Variants in BTC observed in about 807,000 individuals in gnomAD.
The protein encoded by BTC is betacellulin.
In BTC, 13 loss-of-function variants were observed where a neutral mutation model predicts 18.1. That is an observed-to-expected ratio of 0.72 (90% CI 0.47 to 1.14). The LOEUF (loss-of-function observed/expected upper bound fraction) is 1.14, where lower values mean the gene tolerates loss of function less well. BTC is among the 50% of genes most tolerant of loss of function. The pLI is 0.00. For missense variants in BTC, 247 were observed against 224.2 expected, an observed-to-expected ratio of 1.10 and a Z score of -0.65; for synonymous variants, 83 against 79.4, an observed-to-expected ratio of 1.05 and a Z score of -0.24.
chr4:74,751,234 T>C (rs1181924489), intron 3 of BTC, among the ~76,000 whole-genome samples: 1 of 152,212 alleles, frequency 6.6e-6, no homozygotes, highest in African/African-American at 2.4e-5. Context: ...AGAGAGAATG[T>C]TCCATAAGTG....
intron 1 of BTC, among the ~76,000 whole-genome samples, chr4:74,779,664 T>C (rs1725267111): frequency 6.6e-6 from 1 of 152,100 alleles, no homozygotes; most frequent in Non-Finnish European, 1.5e-5. Flanking sequence ...GGTTTCTGGA[T>C]CTAGTGATAA....
intron 1 of BTC, among the ~76,000 whole-genome samples, chr4:74,791,178 C>T (rs887078278): frequency 1.3e-5 from 2 of 151,840 alleles, no homozygotes; most frequent in Non-Finnish European, 2.9e-5. Context: ...CCCGTCTCTT[C>T]AAAAAATACA....
chr4:74,781,428 C>T (rs997638150), intron 1 of BTC, among the ~76,000 whole-genome samples: 3 of 131,960 alleles, frequency 2.3e-5, no homozygotes, highest in African/African-American at 3.5e-5. Context: ...GCTTCAGTTA[C>T]CAACAATCTC....
Position 74,745,356 on chromosome 4 carries a change from A to G in BTC, c.*1321T>C, listed in dbSNP as rs1422508698. ...TCTGAATTCTCCACTTCACTATGGA[A>G]TCTACATTGCAAAGTAAAATTTGCA... On this transcript the variant is annotated 3_prime_UTR_variant, in exon 6 of 6. Coordinates refer to ENST00000395743, the MANE Select transcript of BTC (RefSeq NM_001729.4). 6.6e-6 allele frequency: 1 copy of G among 152,252 alleles called. No homozygotes were observed. The highest frequency in any genetic ancestry group is 1.5e-5 in the Non-Finnish European group (1 of 68,046). The allele number at this position is 152,252 out of a possible 1,614,324, so 9.4% of individuals were successfully genotyped here.
At chr4:74,752,516 C>G (rs1313681328) in intron 3 of BTC, among the ~76,000 whole-genome samples, 1 of 151,574 alleles carries the variant, frequency 6.6e-6, no homozygotes, top group Non-Finnish European at 1.5e-5. Context: ...GTAACTGGGA[C>G]TAAACCACGC....
In BTC at chr4:74,785,052, T is replaced by C. The variant is rs79141458; in HGVS notation, c.64+9210A>G. ...AGAATTCAGCCGTGAATCTTTCAGG[T>C]CCTGGGCTTTTTTTGGTTGGTAGGC... On this transcript the variant is annotated intron_variant, in intron 1 of 5. Transcript: ENST00000395743. 6.4e-3 allele frequency among the ~76,000 whole-genome samples: 972 copies of C among 152,240 alleles called. 14 individuals are homozygous for C. The highest frequency in any genetic ancestry group is 0.022 in the African/African-American group (924 of 41,556).
intron 1 of BTC, among the ~76,000 whole-genome samples, chr4:74,782,858 T>C (rs1560723508): frequency 6.6e-6 from 1 of 152,212 alleles, no homozygotes; most frequent in East Asian, 1.9e-4. Context: ...ATCGGTGATG[T>C]TGAGCTCTTT....
intron 1 of BTC, among the ~76,000 whole-genome samples, chr4:74,781,988 C>T (rs1409433919): frequency 2.0e-5 from 3 of 152,130 alleles, no homozygotes. Context: ...TCTCACAAAA[C>T]ATCCATGGAA....
chr4:74,747,979 C>T, intron 5 of BTC, 61 bp downstream of exon 5: 4 of 816,092 alleles, frequency 4.9e-6, no homozygotes, highest in Non-Finnish European at 7.6e-6. Context: ...GCAAGTAAGC[C>T]CAATCTAACC....
intron 1 of BTC, among the ~76,000 whole-genome samples, chr4:74,775,871 C>T (rs4076318): frequency 0.18 from 26,744 of 152,014 alleles, 3,846 homozygotes; most frequent in African/African-American, 0.4. Context: ...CTAAACATCC[C>T]GGTTCTTTCA....
chr4:74,769,077 A>G (rs760701041), intron 2 of BTC, among the ~76,000 whole-genome samples: 1 of 152,160 alleles, frequency 6.6e-6, no homozygotes, highest in Non-Finnish European at 1.5e-5. Context: ...AGACTTGCTC[A>G]GTGTGTTCCT....
intron 1 of BTC, among the ~76,000 whole-genome samples, chr4:74,775,896 TATC>T (rs1457119219): frequency 2.6e-5 from 4 of 152,190 alleles, no homozygotes; most frequent in Admixed American, 2.6e-4. Flanking sequence ...TATTTTATGG[TATC>T]ATCAAGACCC....
At chr4:74,784,013 A>G (rs932782954) in intron 1 of BTC, among the ~76,000 whole-genome samples, 2 of 151,944 alleles carry the variant, frequency 1.3e-5, no homozygotes, top group African/African-American at 2.4e-5. Context: ...CAGATGGATC[A>G]CTTGAGGTCA....
At chr4:74,769,118 G>T (rs932087054) in intron 2 of BTC, among the ~76,000 whole-genome samples, 2 of 152,126 alleles carry the variant, frequency 1.3e-5, no homozygotes, top group Non-Finnish European at 2.9e-5. Flanking sequence ...AGGGTGCTAG[G>T]AAAGGAGCAG....
rs1553955150 is a variant in BTC at position 74,744,971 on chromosome 4, C to A, written c.*1706G>T. On this transcript the variant is annotated 3_prime_UTR_variant, in exon 6 of 6. Coordinates refer to ENST00000395743, the MANE Select transcript of BTC (RefSeq NM_001729.4). ...AAATGGCTTGAGAGATTTTGTTGGT[C>A]AGCCAAACTCAGTCCAGGAAAAAAG... 1.3e-5 allele frequency: 2 copies of A among 152,168 alleles called. No homozygotes were observed. Among genetic ancestry groups the A allele is most frequent in the African/African-American group, 2.4e-5 (1 of 41,440 alleles). The allele number at this position is 152,168 out of a possible 1,614,324, so 9.4% of individuals were successfully genotyped here. A position where few individuals can be genotyped will look rare whatever the true frequency, so the allele number is the denominator to read the frequency against.
chr4:74,745,971 G>A lies in BTC; in HGVS notation c.*706C>T, dbSNP rs1405798282. 2 of 152,156 alleles carry A rather than the reference G, an allele frequency of 1.3e-5. No individual in the cohort carries two copies. The highest frequency in any genetic ancestry group is 1.9e-4 in the East Asian group (1 of 5,196). The allele number at this position is 152,156 out of a possible 1,614,324, so 9.4% of individuals were successfully genotyped here. On this transcript the variant is annotated 3_prime_UTR_variant, in exon 6 of 6. Coordinates refer to ENST00000395743, the MANE Select transcript of BTC (RefSeq NM_001729.4). ...AAAGCATGATGGTAACAGCAATATA[G>A]GCCAGGATTTCTCATTCTGTGTGCC...
At chr4:74,777,404 G>A (rs181044858) in intron 1 of BTC, among the ~76,000 whole-genome samples, 1 of 152,154 alleles carries the variant, frequency 6.6e-6, no homozygotes, top group African/African-American at 2.4e-5. Flanking sequence ...AAATTACCCT[G>A]GTAAAAAACT....
At chr4:74,749,714 T>C (rs1352111296) in intron 4 of BTC, among the ~76,000 whole-genome samples, 1 of 114,558 alleles carries the variant, frequency 8.7e-6, no homozygotes, top group African/African-American at 3.2e-5. Flanking sequence ...TTGTTGTTTT[T>C]GGTAGCATAC....
intron 4 of BTC, 134 bp downstream of exon 4, chr4:74,750,439 G>T: frequency 1.1e-6 from 1 of 870,658 alleles, no homozygotes; most frequent in Non-Finnish European, 1.7e-6. Context: ...TATCAACAAT[G>T]GCAAAGCTCA....
Sources: gnomAD v4.1 joint callset for allele counts (sites outside exome capture counted in the v4.1 genomes callset) on GRCh38, gnomAD v4.1.1 for gene constraint, MANE v1.5 for transcripts, NCBI Gene and HGNC (gene_info 2026-07-23, HGNC 2026-07-21) for gene names.